PDK2: variants seen among roughly 807,000 people sequenced by gnomAD.
The protein encoded by PDK2 is pyruvate dehydrogenase kinase, isozyme 2.
A neutral mutation model predicts 50.4 loss-of-function variants in PDK2; 34 were observed. The ratio of observed to expected loss-of-function variants is 0.68; its 90% CI spans 0.51 to 0.90. The LOEUF is 0.90. PDK2 is among the 40% of genes least tolerant of loss of function. The pLI is 0.00. For synonymous variants in PDK2, 232 were observed against 216.0 expected, an observed-to-expected ratio of 1.07 and a Z score of -0.65; for missense variants, 377 against 544.5, an observed-to-expected ratio of 0.69 and a Z score of 3.06.
upstream of PDK2, chr17:50,095,240 G>A: frequency 3.8e-6 from 2 of 525,040 alleles, no homozygotes; most frequent in Non-Finnish European, 6.7e-6. Flanking sequence ...GGGGCGGAAG[G>A]CTATTGGTTC....
rs767426006 is a variant in PDK2, at chr17:50,108,129, G to T, written c.686-27G>T. 19 of 1,569,698 alleles carry T rather than the reference G, an allele frequency of 1.2e-5. No homozygotes were observed. In the Admixed American group the frequency reaches 3.0e-4, roughly 25 times the overall value. ...AGCAGTGACCTCCTGACGGTTTCCT[G>T]ACCCTTGGTCTTGACTTGCCCTGTA... On this transcript the variant is annotated intron_variant, in intron 6 of 10. Transcript: ENST00000503176.
At chr17:50,096,509 G>A (rs1193412528) in intron 1 of PDK2, among the ~76,000 whole-genome samples, 1 of 152,174 alleles carries the variant, frequency 6.6e-6, no homozygotes, top group African/African-American at 2.4e-5. Flanking sequence ...GGAACAGAGA[G>A]GTGGCAGCCG....
upstream of PDK2, chr17:50,094,997 G>C (rs555508380): frequency 1.8e-3 from 312 of 169,616 alleles, 2 homozygotes; most frequent in African/African-American, 7.1e-3. Context: ...GTTAAAAGGA[G>C]CCTGCAGGTG....
Position 50,095,361 on chromosome 17 carries a change from C to A in PDK2, c.-75C>A. 1.8e-6 allele frequency: 2 copies of A among 1,101,540 alleles called. No individual in the cohort carries two copies. The highest frequency in any genetic ancestry group is 2.6e-6 in the Non-Finnish European group (2 of 757,878). 68.2% of individuals were successfully genotyped at this position (1,101,540 alleles called of 1,614,324 possible). On this transcript the variant is annotated 5_prime_UTR_variant, in exon 1 of 11. Transcript: ENST00000503176. ...CAAGGGTAGGGAGGAGGCGGCCGAA[C>A]CGCGTCGCTGGGCCGAAAGGTGCGC...
At chr17:50,106,317 T>C in intron 4 of PDK2, 1 of 949,232 alleles carries the variant, frequency 1.1e-6, no homozygotes, top group Non-Finnish European at 1.5e-6. Flanking sequence ...TGTCACATCT[T>C]TAAAAGAATG....
At chr17:50,102,312 C>T (rs1910275753) in intron 2 of PDK2, among the ~76,000 whole-genome samples, 2 of 152,232 alleles carry the variant, frequency 1.3e-5, no homozygotes, top group African/African-American at 4.8e-5. Flanking sequence ...CATGCCGGTG[C>T]CCTTTGCTCC....
rs768790369 is a variant in PDK2 at position 50,108,739 on chromosome 17, G to A, written c.969+20G>A. Reference sequence around the variant, plus strand: ...CCGCTGGTGAGATGGCTTCACCCCAGCCCCTCCCACCTCCTGAGGGAGGCT... The same window carrying A: ...CCGCTGGTGAGATGGCTTCACCCCAACCCCTCCCACCTCCTGAGGGAGGCT... On this transcript the variant is annotated intron_variant, in intron 9 of 10. Transcript: ENST00000503176. The A allele has an allele frequency of 1.2e-4, 171 of 1,475,516 alleles. No individual in the cohort carries two copies. The highest frequency in any genetic ancestry group is 1.5e-4 in the Non-Finnish European group (158 of 1,070,062). The allele number at this position is 1,475,516 out of a possible 1,614,324, so 91.4% of individuals were successfully genotyped here.
At chr17:50,095,791 C>T (rs1258970688) in intron 1 of PDK2, 40 of 1,360,686 alleles carry the variant, frequency 2.9e-5, no homozygotes, top group East Asian at 9.0e-5. Context: ...CTTCGTGGGC[C>T]TCATGAAGGG....
chr17:50,097,638 A>G, intron 2 of PDK2, 74 bp downstream of exon 2: 1 of 1,553,176 alleles, frequency 6.4e-7, no homozygotes, highest in Non-Finnish European at 8.8e-7. Context: ...TGGCATCTCC[A>G]AGCTTTTAGC....
rs991127971 is a variant in PDK2, at chr17:50,110,307, C to G, written c.*210C>G. 9 of 457,454 alleles carry G rather than the reference C, an allele frequency of 2.0e-5. No individual in the cohort carries two copies. Among genetic ancestry groups the G allele is most frequent in the African/African-American group, 1.4e-4 (7 of 50,620 alleles). The allele number at this position is 457,454 out of a possible 1,614,324, so 28.3% of individuals were successfully genotyped here. On this transcript the variant is annotated 3_prime_UTR_variant, in exon 11 of 11. Transcript: ENST00000503176. ...GGAGACCCCTCGGTGGCCTCCCTAT[C>G]TCTGTGGGCGATGCCTGAGGGTTAG...
In PDK2 at chr17:50,109,227, G is replaced by A; in HGVS notation, c.970-60G>A. Reference sequence around the variant, plus strand: ...CCCTTCCCTCCCTGCATCAGTCCCTGCAGCTCCAGGAGGCCCCTGCCAGCC... The same window carrying A: ...CCCTTCCCTCCCTGCATCAGTCCCTACAGCTCCAGGAGGCCCCTGCCAGCC... On this transcript the variant is annotated intron_variant, in intron 9 of 10. Coordinates refer to ENST00000503176, the MANE Select transcript of PDK2 (RefSeq NM_002611.5). The surrounding 1 kb of genome is among the most constrained non-coding windows in gnomAD (Gnocchi z 5.0). The A allele has an allele frequency of 9.5e-7, 1 of 1,056,714 alleles. No homozygotes were observed. The highest frequency in any genetic ancestry group is 1.4e-6 in the Non-Finnish European group (1 of 693,140). The allele number at this position is 1,056,714 out of a possible 1,614,324, so 65.5% of individuals were successfully genotyped here.
intron 1 of PDK2, 153 bp downstream of exon 1, chr17:50,095,706 C>T: frequency 7.0e-7 from 1 of 1,429,890 alleles, no homozygotes; most frequent in Non-Finnish European, 9.2e-7. Flanking sequence ...AATGGGGAAG[C>T]AGGAACCGGC....
chr17:50,105,975 C>T lies in PDK2; in HGVS notation c.423C>T (p.Tyr141=), dbSNP rs201423875. The part of the protein sequence containing the change: ...AQGVLEYKDT[Y]GDDPVSNQNI... ...GCGTGCTTGAGTACAAGGACACCTA[C>T]GGCGATGACCCCGTCTCCAACCAGA... is the stretch of plus-strand genomic sequence containing the variant. The change falls in exon 4 of 11, where the codon TAC becomes TAT. Residue 141 remains tyrosine (Y), a synonymous_variant. Coordinates refer to ENST00000503176, the MANE Select transcript of PDK2 (RefSeq NM_002611.5). The T allele has an allele frequency of 3.8e-5, 61 of 1,612,432 alleles. No homozygotes were observed. Among genetic ancestry groups the T allele is most frequent in the African/African-American group, 2.0e-4 (15 of 75,032 alleles).
rs919155515 is a variant in PDK2, at chr17:50,101,508, C to T, written c.261-3863C>T. Among the ~76,000 whole-genome samples the T allele has an allele frequency of 6.6e-6, 1 of 152,190 alleles. No individual in the cohort carries two copies. Among genetic ancestry groups the T allele is most frequent in the African/African-American group, 2.4e-5 (1 of 41,438 alleles). ...CTCCCCCAAGTGCAGCGAGCACCCT[C>T]CTCCCCAGCCTTTGCCTTGTTTACA... On this transcript the variant is annotated intron_variant, in intron 2 of 10. Transcript: ENST00000503176. The surrounding 1 kb of genome is among the most constrained non-coding windows in gnomAD (Gnocchi z 4.2).
At chr17:50,095,343 A>C, upstream of PDK2, 8 of 830,012 alleles carry the variant, frequency 9.6e-6, no homozygotes, top group Non-Finnish European at 1.3e-5. Context: ...GGGCAAGGGT[A>C]GGGAGGAGGC....
Position 50,095,573 on chromosome 17 carries a change from C to A in PDK2, c.118+20C>A. The stretch of plus-strand genomic sequence containing the variant: ...ACTTCGGTACGGAGTGGGCGGGAGG[C>A]GGCTGGCAGCGGAGGCCGGCGGGGC... On this transcript the variant is annotated intron_variant, in intron 1 of 10. Transcript: ENST00000503176. 1.3e-6 allele frequency: 2 copies of A among 1,573,054 alleles called. No individual in the cohort carries two copies. The highest frequency in any genetic ancestry group is 1.3e-5 in the African/African-American group (1 of 74,164).
intron 2 of PDK2, among the ~76,000 whole-genome samples, chr17:50,098,302 G>T (rs1038249964): frequency 6.6e-6 from 1 of 152,200 alleles, no homozygotes. Context: ...CTTGCAGTAT[G>T]ATATAGTTGT....
chr17:50,109,029 G>A lies in PDK2; in HGVS notation c.970-258G>A, dbSNP rs555633601. On this transcript the variant is annotated intron_variant, in intron 9 of 10. Transcript: ENST00000503176. This position sits in a 1 kb window ranked among gnomAD's most constrained non-coding sequence, Gnocchi z 5.0. ...AGAAAACTTGAGACTCAAAGGAGCC[G>A]TGGGGCCTGCTCTGACTTCCTGGCC... is the stretch of plus-strand genomic sequence containing the variant. Among the ~76,000 whole-genome samples the A allele has an allele frequency of 1.1e-4, 17 of 152,208 alleles. No individual in the cohort carries two copies. Among genetic ancestry groups the A allele is most frequent in the East Asian group, 1.9e-4 (1 of 5,180 alleles).
chr17:50,106,924 G>A (rs847694), intron 5 of PDK2, 41 bp downstream of exon 5: 1,133,498 of 1,580,172 alleles, frequency 0.72, 410,330 homozygotes, highest in East Asian at 0.98. Flanking sequence ...GAGAAGCCCC[G>A]GGGACCCCTC....
Sources: gnomAD v4.1 joint callset for allele counts (sites outside exome capture counted in the v4.1 genomes callset) on GRCh38, gnomAD v4.1.1 for gene constraint, Gnocchi (gnomAD v3.1) non-coding constraint, MANE v1.5 for transcripts, NCBI Gene and HGNC (gene_info 2026-07-23, HGNC 2026-07-21) for gene names.